The following OSBPL6 variants were observed in gnomAD, a reference collection of about 807,000 sequenced individuals.
OSBPL6 encodes the protein oxysterol binding protein like 6.
In OSBPL6, 49 loss-of-function variants were observed where a neutral mutation model predicts 125.8. That is an observed-to-expected ratio of 0.39 (90% confidence interval 0.31 to 0.49). The LOEUF (loss-of-function observed/expected upper bound fraction) is 0.49. Ranked by LOEUF, OSBPL6 falls within the 20% of genes least tolerant of loss-of-function variation. OSBPL6 has a pLI of 0.88. For missense variants in OSBPL6, 986 were observed against 1,135.4 expected, an observed-to-expected ratio of 0.87 and a Z score of 1.89; for synonymous variants, 394 against 391.8, an observed-to-expected ratio of 1.01 and a Z score of -0.07.
At chr2:178,196,383 T>C (rs334103) in intron 1 of OSBPL6, among the ~76,000 whole-genome samples, 86,482 of 151,928 alleles carry the variant, frequency 0.57, 25,143 homozygotes, top group East Asian at 0.79. Context: ...GCCTAAAAAT[T>C]CTGGTTTTGC....
At chr2:178,371,440 G>C (rs1693373631) in intron 13 of OSBPL6, among the ~76,000 whole-genome samples, 1 of 152,164 alleles carries the variant, frequency 6.6e-6, no homozygotes, top group African/African-American at 2.4e-5. Flanking sequence ...CTAACTTAAA[G>C]CATGTTGGAG....
intron 13 of OSBPL6, among the ~76,000 whole-genome samples, chr2:178,371,549 G>A (rs1467251612): frequency 6.6e-6 from 1 of 152,062 alleles, no homozygotes; most frequent in Non-Finnish European, 1.5e-5. Flanking sequence ...ACACCTTTTT[G>A]TTTGCACTTA....
Position 178,324,225 on chromosome 2 carries a change from G to A in OSBPL6, c.151G>A (p.Val51Ile), listed in dbSNP as rs751701371. The A allele has an allele frequency of 8.8e-6, 14 of 1,583,810 alleles. No individual in the cohort carries two copies. In the East Asian group the frequency reaches 3.2e-4, roughly 36 times the overall value. The change falls in exon 4 of 25, where the codon GTA becomes ATA. Residue 51 changes from valine to isoleucine, a missense_variant. Val to Ile is a conservative substitution (Grantham distance 29, BLOSUM62 3). This residue lies in a region of OSBPL6 where 130 missense variants were observed against 106.4 expected (regional missense o/e 1.22). Transcript: ENST00000190611. ...TGCTTCCTCTAGCACCGAGCCCTCTGTAAGTCGGCAATTGCTAGAACCGGA... is the reference window on the plus strand; with the variant it reads ...TGCTTCCTCTAGCACCGAGCCCTCTATAAGTCGGCAATTGCTAGAACCGGA... ...RTASSSTEPS[V>I]SRQLLEPEPV... is the part of the protein sequence containing the mutation.
intron 1 of OSBPL6, among the ~76,000 whole-genome samples, chr2:178,275,378 G>A (rs530450113): frequency 6.6e-6 from 1 of 152,266 alleles, no homozygotes; most frequent in South Asian, 2.1e-4. Context: ...CGGGCATGGT[G>A]ATGGGCGCCT....
At chr2:178,291,860 T>A (rs1360529674) in intron 2 of OSBPL6, among the ~76,000 whole-genome samples, 3 of 151,330 alleles carry the variant, frequency 2.0e-5, no homozygotes, top group East Asian at 3.9e-4. Context: ...TACAACCAGT[T>A]AATTCCTTGA....
Position 178,361,877 on chromosome 2 carries a change from T to G in OSBPL6, c.1287+62T>G, listed in dbSNP as rs370032885. Reference sequence around the variant, plus strand: ...ACTCCCAACCCTGTAAGATGAAAGATCAAAAGATGGGGGGCTGGCAGGGAG... The same window carrying G: ...ACTCCCAACCCTGTAAGATGAAAGAGCAAAAGATGGGGGGCTGGCAGGGAG... On this transcript the variant is annotated intron_variant, in intron 13 of 24. Coordinates refer to ENST00000190611, the MANE Select transcript of OSBPL6 (RefSeq NM_032523.4). 1.6e-5 allele frequency: 25 copies of G among 1,589,856 alleles called. No individual in the cohort carries two copies. In the African/African-American group the frequency reaches 1.6e-4, roughly 10 times the overall value.
chr2:178,328,235 G>A, intron 4 of OSBPL6, 21 bp from the exon 5 acceptor site: 1 of 1,612,050 alleles, frequency 6.2e-7, no homozygotes. Context: ...CATGTGATTT[G>A]TTTTTCTTCT....
chr2:178,233,787 G>A lies in OSBPL6; in HGVS notation c.-351+39113G>A, dbSNP rs150092962. Among the ~76,000 whole-genome samples the A allele has an allele frequency of 2.0e-3, 297 of 152,230 alleles. 2 individuals carry two copies. The highest frequency in any genetic ancestry group is 0.01 in the Middle Eastern group (3 of 294). On this transcript the variant is annotated intron_variant, in intron 1 of 24. Coordinates refer to ENST00000190611, the MANE Select transcript of OSBPL6 (RefSeq NM_032523.4). The stretch of plus-strand genomic sequence containing the variant: ...TTTAGTGACAGTACCCACCTCATGC[G>A]TTGTTGTGAATGTTAAGCTGATCTA...
At chr2:178,200,292 C>T (rs1157605465) in intron 1 of OSBPL6, among the ~76,000 whole-genome samples, 2 of 143,296 alleles carry the variant, frequency 1.4e-5, no homozygotes, top group African/African-American at 5.3e-5. Flanking sequence ...CTCTCTGTCA[C>T]CCAGGCCCGA....
At chr2:178,267,661 T>G (rs1294412469) in intron 1 of OSBPL6, among the ~76,000 whole-genome samples, 1 of 152,186 alleles carries the variant, frequency 6.6e-6, no homozygotes, top group Non-Finnish European at 1.5e-5. Flanking sequence ...TACTGTGATG[T>G]AACAGGTTAA....
At chr2:178,323,908 C>T (rs1688470287) in intron 3 of OSBPL6, 2 of 264,240 alleles carry the variant, frequency 7.6e-6, no homozygotes, top group Non-Finnish European at 1.4e-5. Context: ...TTGTGTGTAT[C>T]ATAAAATTTT....
rs2154121709 is a variant in OSBPL6, at chr2:178,396,342, T to C, written c.*783T>C. ...AAGGAAAAGACGTGCTAAGTAGATC[T>C]CTGTATTTACGTGGCTCGTTAATTT... is the stretch of plus-strand genomic sequence containing the variant. On this transcript the variant is annotated 3_prime_UTR_variant, in exon 25 of 25. Coordinates refer to ENST00000190611, the MANE Select transcript of OSBPL6 (RefSeq NM_032523.4). 6.5e-6 allele frequency: 1 copy of C among 152,918 alleles called. No homozygotes were observed. The highest frequency in any genetic ancestry group is 1.5e-5 in the Non-Finnish European group (1 of 68,412). The allele number at this position is 152,918 out of a possible 1,614,324, so 9.5% of individuals were successfully genotyped here. A position where few individuals can be genotyped will look rare whatever the true frequency, so the allele number is the denominator to read the frequency against.
chr2:178,324,825 C>G (rs1390329671), intron 4 of OSBPL6, among the ~76,000 whole-genome samples: 1 of 152,170 alleles, frequency 6.6e-6, no homozygotes, highest in Admixed American at 6.5e-5. Context: ...AGGATTATAG[C>G]AGAGCAAGAA....
At chr2:178,324,306 G>T in intron 4 of OSBPL6, 37 bp downstream of exon 4, 4 of 1,409,076 alleles carry the variant, frequency 2.8e-6, no homozygotes, top group Non-Finnish European at 3.9e-6. Context: ...CTGCTGGCAT[G>T]ATGCCTGCTC....
chr2:178,392,381 C>T (rs371483110), intron 22 of OSBPL6, 31 bp from the exon 23 acceptor site: 6 of 1,611,890 alleles, frequency 3.7e-6, no homozygotes, highest in African/African-American at 1.3e-5. Flanking sequence ...AACCTTCTGC[C>T]TCTCACAGTG....
intron 11 of OSBPL6, among the ~76,000 whole-genome samples, chr2:178,342,660 G>T (rs1334398821): frequency 6.6e-6 from 1 of 152,118 alleles, no homozygotes; most frequent in Non-Finnish European, 1.5e-5. Flanking sequence ...AAACTTCCTG[G>T]TTCGAATAAA....
chr2:178,242,437 C>G (rs1396442271), intron 1 of OSBPL6, among the ~76,000 whole-genome samples: 1 of 152,182 alleles, frequency 6.6e-6, no homozygotes, highest in Non-Finnish European at 1.5e-5. Flanking sequence ...TTCCTCCTTT[C>G]CCAGTGAATC....
chr2:178,394,047 G>T (rs754420496), intron 23 of OSBPL6, among the ~76,000 whole-genome samples: 3 of 152,110 alleles, frequency 2.0e-5, no homozygotes, highest in African/African-American at 4.8e-5. Flanking sequence ...AAGTCTTCAA[G>T]GCCAAACCAC....
chr2:178,310,923 C>G (rs1427711946), intron 3 of OSBPL6, among the ~76,000 whole-genome samples: 3 of 152,218 alleles, frequency 2.0e-5, no homozygotes, highest in Non-Finnish European at 4.4e-5. Flanking sequence ...ACCGTCATTT[C>G]TCACCTGGAC....
Sources: allele counts gnomAD v4.1 joint callset (sites outside exome capture counted in the v4.1 genomes callset), GRCh38; gene constraint gnomAD v4.1.1; regional missense constraint gnomAD v4.1.1; transcripts MANE v1.5; gene names NCBI Gene and HGNC (gene_info 2026-07-23, HGNC 2026-07-21).